Variants in NIBAN1 observed in about 807,000 individuals in gnomAD.
NIBAN1 encodes the protein niban apoptosis regulator 1.
In NIBAN1, 81 loss-of-function variants were observed where a neutral mutation model predicts 75.1. The ratio of observed to expected loss-of-function variants is 1.08; its 90% CI spans 0.90 to 1.30. The LOEUF (loss-of-function observed/expected upper bound fraction) is 1.30, where lower values mean the gene tolerates loss of function less well. Ranked by LOEUF, NIBAN1 falls within the 50% of genes most tolerant of loss-of-function variation. The pLI, the probability that NIBAN1 is intolerant of heterozygous loss-of-function variation, is 0.00. For synonymous variants in NIBAN1, 436 were observed against 424.8 expected (o/e 1.03, Z -0.32); for missense variants, 1,133 against 1,128.1 (o/e 1.00, Z -0.06).
At chr1:184,960,628 G>T (rs1658606788) in intron 1 of NIBAN1, among the ~76,000 whole-genome samples, 1 of 62,058 alleles carries the variant, frequency 1.6e-5, no homozygotes, top group African/African-American at 6.4e-5. Context: ...ACAAAATGTT[G>T]TTGTTGTTGT....
Position 184,894,254 on chromosome 1 carries a change from C to A in NIBAN1, c.187-48G>T, listed in dbSNP as rs1273870722. 2.0e-6 allele frequency: 3 copies of A among 1,529,450 alleles called. No individual in the cohort carries two copies. In the East Asian group the frequency reaches 7.2e-5, roughly 37 times the overall value. The allele number at this position is 1,529,450 out of a possible 1,614,324, so 94.7% of individuals were successfully genotyped here. On this transcript the variant is annotated intron_variant, in intron 2 of 13. Coordinates refer to ENST00000367511, the MANE Select transcript of NIBAN1 (RefSeq NM_052966.4). ...AACTATCACAACAAAAGATAACACA[C>A]CTTGTTACCACAAAGTTATCCATGC...
chr1:184,946,807 T>C (rs889872699), intron 1 of NIBAN1, among the ~76,000 whole-genome samples: 2 of 152,144 alleles, frequency 1.3e-5, no homozygotes, highest in Non-Finnish European at 2.9e-5. Context: ...AGTACATGGT[T>C]CAAAACAAAG....
chr1:184,814,760 A>G (rs1263922762), intron 9 of NIBAN1, among the ~76,000 whole-genome samples: 1 of 152,228 alleles, frequency 6.6e-6, no homozygotes, highest in African/African-American at 2.4e-5. Context: ...TAAATATACA[A>G]TTTGAATGAA....
At chr1:184,833,216 AG>A (rs1185441713) in intron 5 of NIBAN1, among the ~76,000 whole-genome samples, 1 of 151,172 alleles carries the variant, frequency 6.6e-6, no homozygotes, top group Non-Finnish European at 1.5e-5. Context: ...GAACTAAAAA[AG>A]GATCAATCTG....
chr1:184,884,606 G>A lies in NIBAN1; in HGVS notation c.601+27C>T, dbSNP rs760422998. On this transcript the variant is annotated intron_variant, in intron 5 of 13. Coordinates refer to ENST00000367511, the MANE Select transcript of NIBAN1 (RefSeq NM_052966.4). ...CGAGGGCTGCCCCACTTCCCGCCCC[G>A]GGGATGAGAGGGGAGCCGCGCCATA... The A allele has an allele frequency of 4.8e-5, 77 of 1,611,192 alleles. No homozygotes were observed. In the South Asian group the frequency reaches 6.0e-4, roughly 13 times the overall value.
At chr1:184,900,941 G>T (rs1402686562) in intron 1 of NIBAN1, among the ~76,000 whole-genome samples, 1 of 152,130 alleles carries the variant, frequency 6.6e-6, no homozygotes, top group Non-Finnish European at 1.5e-5. Flanking sequence ...TCAATAAAGA[G>T]ATATTAAAAT....
chr1:184,839,210 T>G (rs918183300), intron 5 of NIBAN1, among the ~76,000 whole-genome samples: 2 of 152,164 alleles, frequency 1.3e-5, no homozygotes, highest in African/African-American at 4.8e-5. Context: ...GGCTAAATAG[T>G]TTCTTTAAGC....
At chr1:184,928,411 C>T (rs1201719577) in intron 1 of NIBAN1, among the ~76,000 whole-genome samples, 2 of 152,182 alleles carry the variant, frequency 1.3e-5, no homozygotes, top group African/African-American at 2.4e-5. Flanking sequence ...AGCACAGCAC[C>T]AGGACTTGCC....
In NIBAN1 at chr1:184,820,682, G is replaced by T. The variant is rs80210511; in HGVS notation, c.986-1857C>A. ...ATAAGCCTTACTGAAGTGAAGGAAG[G>T]AGCTGAACAGAGCGATGATGCCTGA... On this transcript the variant is annotated intron_variant, in intron 8 of 13. Coordinates refer to ENST00000367511, the MANE Select transcript of NIBAN1 (RefSeq NM_052966.4). 7.7e-3 allele frequency among the ~76,000 whole-genome samples: 1,173 copies of T among 152,354 alleles called. 12 individuals are homozygous for T. The highest frequency in any genetic ancestry group is 0.032 in the East Asian group (167 of 5,184).
At chr1:184,943,030 T>A (rs924553315) in intron 1 of NIBAN1, among the ~76,000 whole-genome samples, 1 of 152,252 alleles carries the variant, frequency 6.6e-6, no homozygotes, top group Admixed American at 6.5e-5. Flanking sequence ...TCTCTTCTTA[T>A]AATTTGTCTA....
At chr1:184,897,542 G>T (rs1656833192) in intron 2 of NIBAN1, among the ~76,000 whole-genome samples, 1 of 151,806 alleles carries the variant, frequency 6.6e-6, no homozygotes, top group African/African-American at 2.4e-5. Flanking sequence ...CTGTTTTATG[G>T]CCCATGGCCT....
chr1:184,859,644 T>G (rs1409155373), intron 5 of NIBAN1, among the ~76,000 whole-genome samples: 3 of 152,184 alleles, frequency 2.0e-5, no homozygotes, highest in Non-Finnish European at 2.9e-5. Flanking sequence ...AGTTCTGATT[T>G]TTTTTTTCTT....
In NIBAN1 at chr1:184,890,209, C is replaced by T. The variant is rs761696293; in HGVS notation, c.332G>A (p.Gly111Glu). ...SYENKEAYQR[G>E]AAPKCRILPA... ...AAGAATTCGACATTTAGGAGCAGCT[C>T]CTCTCTGATAGGCCTGGGGAGGGAA... Residue 111 changes from glycine to glutamate, a missense_variant, in exon 4 of 14, where the codon GGA becomes GAA. Gly to Glu is a moderately conservative substitution (Grantham distance 98). Transcript: ENST00000367511. 1 of 1,613,576 alleles carries T rather than the reference C, an allele frequency of 6.2e-7. No homozygotes were observed. The highest frequency in any genetic ancestry group is 1.1e-5 in the South Asian group (1 of 91,068).
intron 10 of NIBAN1, among the ~76,000 whole-genome samples, chr1:184,806,522 A>C (rs1043094625): frequency 3.3e-5 from 5 of 152,172 alleles, no homozygotes; most frequent in Non-Finnish European, 7.3e-5. Context: ...AGAAAGCAGA[A>C]GTAGTTCAGG....
intron 5 of NIBAN1, among the ~76,000 whole-genome samples, chr1:184,874,549 G>C (rs1656185726): frequency 6.6e-6 from 1 of 151,836 alleles, no homozygotes; most frequent in Admixed American, 6.6e-5. Context: ...TTCTAAGCAT[G>C]AATCTATCTA....
chr1:184,943,886 G>C (rs1024969714), intron 1 of NIBAN1, among the ~76,000 whole-genome samples: 1 of 152,092 alleles, frequency 6.6e-6, no homozygotes, highest in Non-Finnish European at 1.5e-5. Context: ...CTATGGAAGA[G>C]TACAACCGAA....
chr1:184,801,122 C>T (rs1571469976), intron 12 of NIBAN1, among the ~76,000 whole-genome samples: 4 of 152,222 alleles, frequency 2.6e-5, no homozygotes, highest in African/African-American at 4.8e-5. Flanking sequence ...ACATGTGGCT[C>T]TTAGAGAATC....
chr1:184,915,046 C>T (rs1419510860), intron 1 of NIBAN1, among the ~76,000 whole-genome samples: 3 of 152,152 alleles, frequency 2.0e-5, no homozygotes, highest in Non-Finnish European at 2.9e-5. Flanking sequence ...TTAATAGCCA[C>T]GTGTGGCTAA....
chr1:184,799,413 G>A (rs1240041886), intron 12 of NIBAN1, among the ~76,000 whole-genome samples: 1 of 149,074 alleles, frequency 6.7e-6, no homozygotes, highest in Non-Finnish European at 1.5e-5. Flanking sequence ...TGGTGTATAT[G>A]TGCCACATTT....
Sources: gnomAD v4.1 joint callset for allele counts (sites outside exome capture counted in the v4.1 genomes callset) on GRCh38, gnomAD v4.1.1 for gene constraint, MANE v1.5 for transcripts, NCBI Gene and HGNC (gene_info 2026-07-23, HGNC 2026-07-21) for gene names.